The following WNT7B variants were observed in gnomAD, a reference collection of about 807,000 sequenced individuals.
The protein encoded by WNT7B is protein Wnt-7b.
WNT7B carries 19 observed loss-of-function variants against 38.2 expected under a neutral mutation model. The observed-to-expected ratio is 0.50, with a 90% CI of 0.35 to 0.73. WNT7B has a LOEUF of 0.73. Ranked by LOEUF, WNT7B falls within the 30% of genes least tolerant of loss-of-function variation. The probability of loss-of-function intolerance (pLI) is 0.01; values close to 1 mark genes in which losing one functional copy is unlikely to be tolerated. For synonymous variants in WNT7B, 243 were observed against 209.3 expected (o/e 1.16, Z -1.39); for missense variants, 423 against 507.9 (o/e 0.83, Z 1.61).
rs937544371 is a variant in WNT7B, at chr22:45,920,711, G to C, written c.*2145C>G. 15 of 132,706 alleles carry C rather than the reference G, an allele frequency of 1.1e-4. No individual in the cohort carries two copies. The highest frequency in any genetic ancestry group is 2.4e-4 in the Non-Finnish European group (15 of 62,082). 8.2% of individuals were successfully genotyped at this position (132,706 alleles called of 1,614,324 possible). A position where few individuals can be genotyped will look rare whatever the true frequency, so the allele number is the denominator to read the frequency against. On this transcript the variant is annotated 3_prime_UTR_variant, in exon 4 of 4. Transcript: ENST00000339464. ...GGGGGATGGGGTCAGGGATGGGATG[G>C]GGGATGGGATGAGGGATGAGATGAG...
At position 45,931,339 on chromosome 22, in the gene WNT7B, A is replaced by G. The variant is rs747162092; in HGVS notation, c.329T>C (p.Ile110Thr). ...GGCGTGCGCCACGCCAGCCGCGGTGATGGCGTACGTGAAGGCAGCCTCACG... is the reference window on the plus strand; with the variant it reads ...GGCGTGCGCCACGCCAGCCGCGGTGGTGGCGTACGTGAAGGCAGCCTCACG... ...GSREAAFTYA[I>T]TAAGVAHAVT... The change falls in exon 3 of 4, where the codon ATC becomes ACC. Residue 110 changes from isoleucine to threonine, a missense_variant. Physicochemically the swap from Ile to Thr is moderately conservative, Grantham distance 89. Coordinates refer to ENST00000339464, the MANE Select transcript of WNT7B (RefSeq NM_058238.3). The G allele has an allele frequency of 6.3e-7, 1 of 1,594,628 alleles. No homozygotes were observed. The highest frequency in any genetic ancestry group is 8.5e-7 in the Non-Finnish European group (1 of 1,177,164).
At chr22:45,957,527 TACA>T (rs1451433758) in intron 1 of WNT7B, among the ~76,000 whole-genome samples, 1 of 150,920 alleles carries the variant, frequency 6.6e-6, no homozygotes, top group Non-Finnish European at 1.5e-5. Flanking sequence ...CTACTAAATA[TACA>T]AGAATAAGCT....
chr22:45,977,122 C>A lies in WNT7B; in HGVS notation c.-368G>T. The A allele has an allele frequency of 1.5e-6, 1 of 683,544 alleles. No individual in the cohort carries two copies. The highest frequency in any genetic ancestry group is 1.9e-5 in the African/African-American group (1 of 51,294). 42.3% of individuals were successfully genotyped at this position (683,544 alleles called of 1,614,324 possible). A position where few individuals can be genotyped will look rare whatever the true frequency, so the allele number is the denominator to read the frequency against. Reference sequence around the variant, plus strand: ...GTGAGCGCCTCGCCGAGCGCCGCGGCGGCCAATGTGTCCGCACTTGTCGGC... The same window carrying A: ...GTGAGCGCCTCGCCGAGCGCCGCGGAGGCCAATGTGTCCGCACTTGTCGGC... On this transcript the variant is annotated 5_prime_UTR_variant, in exon 1 of 4. Coordinates refer to ENST00000339464, the MANE Select transcript of WNT7B (RefSeq NM_058238.3).
At chr22:45,956,871 G>A (rs928254278) in intron 1 of WNT7B, among the ~76,000 whole-genome samples, 1 of 152,198 alleles carries the variant, frequency 6.6e-6, no homozygotes, top group Admixed American at 6.5e-5. Flanking sequence ...ACTTTGGGAG[G>A]CTGAGATGGG....
chr22:45,948,431 C>T (rs77281955), intron 2 of WNT7B, among the ~76,000 whole-genome samples: 4,109 of 152,314 alleles, frequency 0.027, 169 homozygotes, highest in African/African-American at 0.093. Context: ...GGGGCTTTTC[C>T]CCTGCGCCAC....
Position 45,922,080 on chromosome 22 carries a change from G to A in WNT7B, c.*776C>T, listed in dbSNP as rs894556184. The A allele has an allele frequency of 6.6e-6, 1 of 152,282 alleles. No homozygotes were observed. Among genetic ancestry groups the A allele is most frequent in the Non-Finnish European group, 1.5e-5 (1 of 68,080 alleles). The allele number at this position is 152,282 out of a possible 1,614,324, so 9.4% of individuals were successfully genotyped here. On this transcript the variant is annotated 3_prime_UTR_variant, in exon 4 of 4. Coordinates refer to ENST00000339464, the MANE Select transcript of WNT7B (RefSeq NM_058238.3). Reference sequence around the variant, plus strand: ...CCAGCCATTGATAGGATTTTCAAAAGAAGGAAAGACGGCATGGAGGAGCCT... The same window carrying A: ...CCAGCCATTGATAGGATTTTCAAAAAAAGGAAAGACGGCATGGAGGAGCCT...
At chr22:45,939,632 A>AACACACAC (rs56152359) in intron 2 of WNT7B, among the ~76,000 whole-genome samples, 5,251 of 144,754 alleles carry the variant, frequency 0.036, 159 homozygotes, top group African/African-American at 0.066. Context: ...TGTCTCTACA[A>AACACACAC]ACACACACAC....
intron 1 of WNT7B, among the ~76,000 whole-genome samples, 162 bp from the exon 2 acceptor site, chr22:45,950,308 A>G (rs1931902255): frequency 6.6e-6 from 1 of 152,082 alleles, no homozygotes; most frequent in Non-Finnish European, 1.5e-5. Context: ...GTTTCCCATC[A>G]ACTCACATGC....
intron 2 of WNT7B, among the ~76,000 whole-genome samples, chr22:45,949,434 C>T (rs1258534822): frequency 6.6e-6 from 1 of 151,968 alleles, no homozygotes; most frequent in Non-Finnish European, 1.5e-5. Context: ...GCTCCACTCT[C>T]GGAATCTACG....
chr22:45,927,262 G>A lies in WNT7B; in HGVS notation c.570+3836C>T, dbSNP rs1041176953. 3.3e-5 allele frequency: 33 copies of A among 985,270 alleles called. No individual in the cohort carries two copies. The East Asian group carries it at 3.4e-4, about 10-fold the overall frequency. The allele number at this position is 985,270 out of a possible 1,614,324, so 61.0% of individuals were successfully genotyped here. On this transcript the variant is annotated intron_variant, in intron 3 of 3. Transcript: ENST00000339464. ...TCAGGGGCTGCTCTGACAGTTTTCCGCACAGGCACCCTGCGGCAGCCCATT... is the reference window on the plus strand; with the variant it reads ...TCAGGGGCTGCTCTGACAGTTTTCCACACAGGCACCCTGCGGCAGCCCATT...
Position 45,939,632 on chromosome 22 carries a change from A to AACACACACACACACACAC in WNT7B, c.299-8264_299-8263insGTGTGTGTGTGTGTGTGT, listed in dbSNP as rs56152359. Among the ~76,000 whole-genome samples, 382 of 144,850 alleles carry AACACACACACACACACAC rather than the reference A, an allele frequency of 2.6e-3. 2 individuals carry two copies. The highest frequency in any genetic ancestry group is 0.01 in the Middle Eastern group (3 of 292). ...AACATGGCAAAACCCTGTCTCTACAAACACACACACACACACTCACACACA... is the reference window on the plus strand; with the variant it reads ...AACATGGCAAAACCCTGTCTCTACAAACACACACACACACACACACACACACACACACACTCACACACA... On this transcript the variant is annotated intron_variant, in intron 2 of 3. Transcript: ENST00000339464.
chr22:45,943,169 T>C lies in WNT7B; in HGVS notation c.298+6751A>G, dbSNP rs141308143. 1.2e-3 allele frequency among the ~76,000 whole-genome samples: 190 copies of C among 152,256 alleles called. 2 individuals are homozygous for C. In the East Asian group the frequency reaches 0.017, roughly 14 times the overall value. On this transcript the variant is annotated intron_variant, in intron 2 of 3. Coordinates refer to ENST00000339464, the MANE Select transcript of WNT7B (RefSeq NM_058238.3). Reference sequence around the variant, plus strand: ...CCACACATCTCTGTCCTTCCCCCCCTGTTTCTCCCTCTCCCTCTGGGTCCC... The same window carrying C: ...CCACACATCTCTGTCCTTCCCCCCCCGTTTCTCCCTCTCCCTCTGGGTCCC...
intron 1 of WNT7B, among the ~76,000 whole-genome samples, chr22:45,970,542 C>A (rs1382601221): frequency 1.3e-5 from 2 of 152,072 alleles, no homozygotes; most frequent in Non-Finnish European, 2.9e-5. Flanking sequence ...AACCCCCAAC[C>A]CCCCCACTTC....
intron 2 of WNT7B, among the ~76,000 whole-genome samples, chr22:45,932,325 T>C (rs1220601970): frequency 1.3e-5 from 2 of 152,128 alleles, no homozygotes; most frequent in African/African-American, 4.8e-5. Flanking sequence ...ATGTGGTCTT[T>C]TTGGTGGCAT....
chr22:45,950,522 G>A lies in WNT7B; in HGVS notation c.72-376C>T, dbSNP rs112392101. Among the ~76,000 whole-genome samples the A allele has an allele frequency of 3.5e-3, 535 of 152,350 alleles. 4 individuals are homozygous for A. The highest frequency in any genetic ancestry group is 0.012 in the African/African-American group (517 of 41,578). ...CAGCCGCCAACTCGGGACTGTCTGC[G>A]CTGTCTCTAAGCGGCAGACCCCAAC... On this transcript the variant is annotated intron_variant, in intron 1 of 3. Transcript: ENST00000339464.
chr22:45,970,512 C>A (rs1601743717), intron 1 of WNT7B, among the ~76,000 whole-genome samples: 1 of 152,286 alleles, frequency 6.6e-6, no homozygotes, highest in East Asian at 1.9e-4. Context: ...GCGCACCTCC[C>A]TCTCTCCGAC....
chr22:45,933,255 A>T (rs1931424269), intron 2 of WNT7B, among the ~76,000 whole-genome samples: 1 of 152,154 alleles, frequency 6.6e-6, no homozygotes, highest in South Asian at 2.1e-4. Context: ...CTCCCTCCCC[A>T]GCAAGGTCCG....
rs1044447916 is a variant in WNT7B, at chr22:45,965,757, T to G, written c.71+10927A>C. Among the ~76,000 whole-genome samples the G allele has an allele frequency of 7.2e-5, 11 of 152,112 alleles. No individual in the cohort carries two copies. The highest frequency in any genetic ancestry group is 2.7e-4 in the African/African-American group (11 of 41,416). ...ACAGCTGCACCTCTGGTCCCAAAGCTAAACTTGGAGGCAGCCCCTGCAACC... is the reference window on the plus strand; with the variant it reads ...ACAGCTGCACCTCTGGTCCCAAAGCGAAACTTGGAGGCAGCCCCTGCAACC... On this transcript the variant is annotated intron_variant, in intron 1 of 3. Coordinates refer to ENST00000339464, the MANE Select transcript of WNT7B (RefSeq NM_058238.3). This position sits in a 1 kb window ranked among gnomAD's most constrained non-coding sequence, Gnocchi z 6.5.
chr22:45,923,006 G>A lies in WNT7B; in HGVS notation c.900C>T (p.Gly300=), dbSNP rs368611043. 4.7e-5 allele frequency: 76 copies of A among 1,612,848 alleles called. No homozygotes were observed. Among genetic ancestry groups the A allele is most frequent in the Middle Eastern group, 1.6e-4 (1 of 6,084 alleles). ...QGRLCNRTSP[G]ADGCDTMCCG... ...AGCACATGGTGTCACAGCCGTCCGC[G>A]CCGGGCGACGTGCGGTTGCAGAGAC... The change falls in exon 4 of 4, where the codon GGC becomes GGT. Residue 300 remains glycine, a synonymous_variant. Transcript: ENST00000339464.
Sources: allele counts gnomAD v4.1 joint callset (sites outside exome capture counted in the v4.1 genomes callset), GRCh38; gene constraint gnomAD v4.1.1; non-coding constraint Gnocchi (gnomAD v3.1); transcripts MANE v1.5; gene names NCBI Gene and HGNC (gene_info 2026-07-23, HGNC 2026-07-21).